SOS1: variants seen among roughly 807,000 people sequenced by gnomAD.
SOS1 encodes the protein SOS Ras/Rac guanine nucleotide exchange factor 1.
Under a neutral mutation model 157.6 loss-of-function variants are expected in SOS1, and 25 were observed. The ratio of observed to expected loss-of-function variants is 0.16; its 90% CI spans 0.12 to 0.22. The LOEUF is 0.22. SOS1 is among the 10% of genes least tolerant of loss of function. The pLI, the probability that SOS1 is intolerant of heterozygous loss-of-function variation, is 1.00. For synonymous variants in SOS1, 528 were observed against 534.0 expected (o/e 0.99, Z 0.16); for missense variants, 1,237 against 1,599.1 (o/e 0.77, Z 3.86).
chr2:39,114,788 G>T (rs781521121), intron 1 of SOS1, among the ~76,000 whole-genome samples: 5 of 152,074 alleles, frequency 3.3e-5, no homozygotes, highest in Non-Finnish European at 7.4e-5. Context: ...GTAAAGACAG[G>T]GGTTTCACTA....
At chr2:39,032,971 G>C (rs182063473) in intron 8 of SOS1, among the ~76,000 whole-genome samples, 2 of 151,948 alleles carry the variant, frequency 1.3e-5, no homozygotes, top group African/African-American at 4.8e-5. Context: ...CCAGATAAAT[G>C]GGAAAAAAGA....
At chr2:39,080,935 C>G (rs532872036) in intron 1 of SOS1, among the ~76,000 whole-genome samples, 1 of 152,024 alleles carries the variant, frequency 6.6e-6, no homozygotes, top group South Asian at 2.1e-4. Flanking sequence ...CCTATAATAC[C>G]AGCACTTTGG....
intron 1 of SOS1, among the ~76,000 whole-genome samples, chr2:39,114,163 A>G (rs1673553460): frequency 6.6e-6 from 1 of 152,024 alleles, no homozygotes; most frequent in Admixed American, 6.6e-5. Context: ...TGGCACGATC[A>G]TGGCTCACCT....
chr2:39,074,031 A>C (rs542800558), intron 1 of SOS1, among the ~76,000 whole-genome samples: 107 of 152,272 alleles, frequency 7.0e-4, no homozygotes, highest in Admixed American at 1.5e-3. Flanking sequence ...ACAAGGCAAA[A>C]ATCTTTCATC....
At chr2:39,040,178 A>G (rs946949576) in intron 6 of SOS1, among the ~76,000 whole-genome samples, 1 of 145,662 alleles carries the variant, frequency 6.9e-6, no homozygotes, top group Non-Finnish European at 1.5e-5. Context: ...CACCCGGCTA[A>G]TTTTTTTTTT....
In SOS1 at chr2:38,995,235, A is replaced by G. The variant is rs1160239669; in HGVS notation, c.3234T>C (p.Ser1078=). The G allele has an allele frequency of 6.2e-7, 1 of 1,614,102 alleles. No individual in the cohort carries two copies. The highest frequency in any genetic ancestry group is 1.7e-5 in the Admixed American group (1 of 60,020). The change falls in exon 20 of 23, where the codon TCT becomes TCC. Residue 1078 remains serine (S), a synonymous_variant. Transcript: ENST00000402219. ...IPESETESTA[S]APNSPRTPLT... The stretch of plus-strand genomic sequence containing the variant: ...ACGGTGTTCTTGGAGAATTTGGTGC[A>G]GATGCTGTACTTTCTGTTTCACTTT...
At chr2:39,069,137 G>A (rs957373862) in intron 1 of SOS1, among the ~76,000 whole-genome samples, 4 of 130,478 alleles carry the variant, frequency 3.1e-5, no homozygotes, top group Admixed American at 1.9e-4. Flanking sequence ...CTTAAGGCCA[G>A]GAGTTCAGGA....
At chr2:39,034,326 T>C (rs1298844444) in intron 8 of SOS1, among the ~76,000 whole-genome samples, 3 of 152,230 alleles carry the variant, frequency 2.0e-5, no homozygotes, top group Non-Finnish European at 2.9e-5. Context: ...TATTCATTCA[T>C]TGATTCATTA....
At chr2:39,097,930 T>C (rs1672829597) in intron 1 of SOS1, among the ~76,000 whole-genome samples, 2 of 152,224 alleles carry the variant, frequency 1.3e-5, no homozygotes, top group Admixed American at 1.3e-4. Flanking sequence ...TTGGAATCTA[T>C]ATAAGCTTTA....
upstream of SOS1, chr2:39,124,365 C>T (rs1163466759): frequency 2.6e-5 from 4 of 152,274 alleles, no homozygotes; most frequent in Non-Finnish European, 4.4e-5. Context: ...CTCCTCAGCT[C>T]TAAGGAGCCT....
intron 6 of SOS1, among the ~76,000 whole-genome samples, chr2:39,040,618 G>A (rs911541950): frequency 2.6e-5 from 4 of 152,070 alleles, no homozygotes; most frequent in African/African-American, 7.2e-5. Flanking sequence ...TTAGCATAAC[G>A]TTTCCAAGGT....
chr2:39,072,531 T>C (rs971937686), intron 1 of SOS1, among the ~76,000 whole-genome samples: 28 of 152,304 alleles, frequency 1.8e-4, no homozygotes, highest in African/African-American at 6.3e-4. Context: ...GAGTTGTATA[T>C]AGCCACAATG....
chr2:39,071,491 A>C (rs1671791645), intron 1 of SOS1, among the ~76,000 whole-genome samples: 1 of 152,250 alleles, frequency 6.6e-6, no homozygotes, highest in African/African-American at 2.4e-5. Flanking sequence ...CATTGGTTAC[A>C]CAAAGGATCC....
intron 13 of SOS1, 87 bp from the exon 14 acceptor site, chr2:39,012,435 A>G: frequency 2.1e-6 from 1 of 482,220 alleles, no homozygotes; most frequent in Non-Finnish European, 3.3e-6. Context: ...CACACGGATG[A>G]CACCTGAATG....
intron 5 of SOS1, among the ~76,000 whole-genome samples, chr2:39,051,797 T>C (rs1229398789): frequency 6.6e-6 from 1 of 152,196 alleles, no homozygotes; most frequent in African/African-American, 2.4e-5. Context: ...ACAGCAGGAT[T>C]TTCATATCTA....
chr2:39,080,210 T>C (rs1024787039), intron 1 of SOS1, among the ~76,000 whole-genome samples: 6 of 151,544 alleles, frequency 4.0e-5, no homozygotes, highest in African/African-American at 9.7e-5. Context: ...CAGTGACAGA[T>C]CATCAGGCAT....
At chr2:39,101,652 A>C (rs1235829289) in intron 1 of SOS1, among the ~76,000 whole-genome samples, 1 of 151,830 alleles carries the variant, frequency 6.6e-6, no homozygotes. Flanking sequence ...AATATACTTA[A>C]AAAAAAACAG....
intron 1 of SOS1, among the ~76,000 whole-genome samples, chr2:39,111,670 A>T (rs930168105): frequency 1.3e-5 from 2 of 151,648 alleles, no homozygotes; most frequent in African/African-American, 2.4e-5. Context: ...TATGCAACCC[A>T]ATACATCAAC....
At chr2:39,108,292 A>G (rs1017692262) in intron 1 of SOS1, among the ~76,000 whole-genome samples, 1 of 152,108 alleles carries the variant, frequency 6.6e-6, no homozygotes, top group Non-Finnish European at 1.5e-5. Context: ...GTTCCCATTT[A>G]ATCCATGCTC....
Sources: allele counts gnomAD v4.1 joint callset (sites outside exome capture counted in the v4.1 genomes callset), GRCh38; gene constraint gnomAD v4.1.1; transcripts MANE v1.5; gene names NCBI Gene and HGNC (gene_info 2026-07-23, HGNC 2026-07-21).